Variants in PARD3B observed in about 807,000 individuals in gnomAD.
The protein encoded by PARD3B is partitioning defective 3 homolog B.
In PARD3B, 103 loss-of-function variants were observed where a neutral mutation model predicts 130.2. That is an observed-to-expected ratio of 0.79 (90% CI 0.67 to 0.93). PARD3B has a LOEUF of 0.93. PARD3B is among the 40% of genes least tolerant of loss of function. The pLI is 0.00. For missense variants in PARD3B, 1,609 were observed against 1,499.2 expected, an observed-to-expected ratio of 1.07 and a Z score of -1.21; for synonymous variants, 583 against 553.2, an observed-to-expected ratio of 1.05 and a Z score of -0.76.
At chr2:204,618,443 A>T (rs775624721) in intron 1 of PARD3B, among the ~76,000 whole-genome samples, 14 of 152,178 alleles carry the variant, frequency 9.2e-5, no homozygotes, top group Admixed American at 2.6e-4. Flanking sequence ...TCAATGAGTT[A>T]ATATGGATAA....
chr2:204,977,000 G>A (rs551864449), intron 3 of PARD3B, among the ~76,000 whole-genome samples: 2 of 152,010 alleles, frequency 1.3e-5, no homozygotes, highest in East Asian at 1.9e-4. Context: ...TCTTTTTCAC[G>A]AATTTAGATT....
At chr2:205,334,025 C>T (rs1249012621) in intron 18 of PARD3B, among the ~76,000 whole-genome samples, 4 of 152,124 alleles carry the variant, frequency 2.6e-5, no homozygotes, top group African/African-American at 7.2e-5. Context: ...AAAATGTAGA[C>T]CTCTTTTTCC....
At chr2:205,472,850 A>G (rs1046819240) in intron 20 of PARD3B, among the ~76,000 whole-genome samples, 1 of 152,224 alleles carries the variant, frequency 6.6e-6, no homozygotes. Context: ...GACAAATGAG[A>G]GTATGGGAAG....
chr2:204,693,375 C>A (rs2037444264), intron 2 of PARD3B, among the ~76,000 whole-genome samples: 1 of 151,922 alleles, frequency 6.6e-6, no homozygotes, highest in Admixed American at 6.6e-5. Flanking sequence ...TGGTTAAGAT[C>A]TTGGATTCTG....
intron 3 of PARD3B, among the ~76,000 whole-genome samples, chr2:204,984,999 A>G (rs1693010376): frequency 6.6e-6 from 1 of 151,936 alleles, no homozygotes; most frequent in Non-Finnish European, 1.5e-5. Context: ...AGCTCTCACA[A>G]AATCTTCTCT....
chr2:205,224,777 T>C (rs1461243829), intron 15 of PARD3B, among the ~76,000 whole-genome samples: 1 of 152,060 alleles, frequency 6.6e-6, no homozygotes, highest in Non-Finnish European at 1.5e-5. Flanking sequence ...GGCTGAATAG[T>C]ACCTGATTTT....
chr2:205,469,229 A>G (rs932585019), intron 20 of PARD3B, among the ~76,000 whole-genome samples: 2 of 152,138 alleles, frequency 1.3e-5, no homozygotes, highest in Non-Finnish European at 2.9e-5. Context: ...AAGGGACTCT[A>G]CCCTTAGCTA....
At chr2:205,331,236 G>A (rs1045144020) in intron 18 of PARD3B, among the ~76,000 whole-genome samples, 5 of 149,556 alleles carry the variant, frequency 3.3e-5, no homozygotes, top group African/African-American at 7.4e-5. Flanking sequence ...ACAGATTTAC[G>A]TGCATATAAG....
At chr2:204,639,380 C>T (rs1398010963) in intron 1 of PARD3B, among the ~76,000 whole-genome samples, 1 of 152,096 alleles carries the variant, frequency 6.6e-6, no homozygotes, top group Non-Finnish European at 1.5e-5. Flanking sequence ...AACTTTTGTT[C>T]AGGTACTAAA....
intron 4 of PARD3B, among the ~76,000 whole-genome samples, chr2:205,099,044 A>G (rs1702579290): frequency 6.6e-6 from 1 of 152,150 alleles, no homozygotes; most frequent in Non-Finnish European, 1.5e-5. Flanking sequence ...TAAAGGGCAA[A>G]CATCTTAAAG....
At chr2:205,054,727 A>T (rs1207724537) in intron 4 of PARD3B, among the ~76,000 whole-genome samples, 1 of 151,922 alleles carries the variant, frequency 6.6e-6, no homozygotes, top group Non-Finnish European at 1.5e-5. Flanking sequence ...TAGATGCCCA[A>T]GATTTCTGCT....
intron 21 of PARD3B, among the ~76,000 whole-genome samples, chr2:205,546,136 C>G (rs892188602): frequency 6.6e-6 from 1 of 152,168 alleles, no homozygotes; most frequent in Non-Finnish European, 1.5e-5. Context: ...TTCCAAACAC[C>G]AAGCCCTCCT....
intron 18 of PARD3B, among the ~76,000 whole-genome samples, chr2:205,312,160 CATTACCTCT>C (rs1194533046): frequency 6.6e-6 from 1 of 152,228 alleles, no homozygotes; most frequent in Non-Finnish European, 1.5e-5. Flanking sequence ...CGCAGCCTGT[CATTACCTCT>C]TTCCAGATAG....
At chr2:204,954,590 G>T (rs1328058576) in intron 2 of PARD3B, among the ~76,000 whole-genome samples, 1 of 152,116 alleles carries the variant, frequency 6.6e-6, no homozygotes, top group Non-Finnish European at 1.5e-5. Context: ...CAGTCCACTC[G>T]CTACCTTACC....
chr2:205,154,973 A>T (rs1206970829), intron 10 of PARD3B, among the ~76,000 whole-genome samples: 11 of 152,142 alleles, frequency 7.2e-5, no homozygotes, highest in Non-Finnish European at 1.6e-4. Context: ...CAGCACACCA[A>T]CATGGCACAT....
intron 19 of PARD3B, among the ~76,000 whole-genome samples, chr2:205,427,856 T>C (rs995113013): frequency 3.9e-5 from 6 of 152,348 alleles, no homozygotes; most frequent in African/African-American, 1.4e-4. Flanking sequence ...GTTTTGATTA[T>C]ACATATTTAG....
chr2:205,524,806 G>A (rs2051263273), intron 21 of PARD3B, among the ~76,000 whole-genome samples: 1 of 152,168 alleles, frequency 6.6e-6, no homozygotes, highest in Non-Finnish European at 1.5e-5. Context: ...CTCCCCAGGA[G>A]GGTTGGTTTT....
In PARD3B at chr2:204,861,146, T is replaced by A. The variant is rs185236308; in HGVS notation, c.223-104006T>A. Among the ~76,000 whole-genome samples, 459 of 149,978 alleles carry A rather than the reference T, an allele frequency of 3.1e-3. 7 individuals are homozygous for A. Among genetic ancestry groups the A allele is most frequent in the African/African-American group, 0.011 (435 of 40,926 alleles). On this transcript the variant is annotated intron_variant, in intron 2 of 22. Transcript: ENST00000406610. ...TTTTCATTTGTAGCTTTTTCACCTATTGCTACCTAATACCTTTCTCTCTCT... is the reference window on the plus strand; with the variant it reads ...TTTTCATTTGTAGCTTTTTCACCTAATGCTACCTAATACCTTTCTCTCTCT...
At chr2:205,282,962 GAT>G (rs2041248474) in intron 16 of PARD3B, among the ~76,000 whole-genome samples, 1 of 152,172 alleles carries the variant, frequency 6.6e-6, no homozygotes, top group Non-Finnish European at 1.5e-5. Context: ...CTGGTTGGTT[GAT>G]ACAGCAAAAT....
Sources: allele counts gnomAD v4.1 joint callset (sites outside exome capture counted in the v4.1 genomes callset), GRCh38; gene constraint gnomAD v4.1.1; transcripts MANE v1.5; gene names NCBI Gene and HGNC (gene_info 2026-07-23, HGNC 2026-07-21).